The following SCTR variants were observed in gnomAD, a reference collection of about 807,000 sequenced individuals.
SCTR encodes secretin receptor, also known as pancreatic secretin receptor.
A neutral mutation model predicts 60.8 loss-of-function variants in SCTR; 56 were observed. The ratio of observed to expected loss-of-function variants is 0.92; its 90% CI spans 0.74 to 1.15. The LOEUF (loss-of-function observed/expected upper bound fraction) is 1.15, where lower values mean the gene tolerates loss of function less well. Among genes scored for constraint, SCTR ranks in the 50% most tolerant of loss-of-function variants. SCTR has a pLI of 0.00. For missense variants in SCTR, 562 were observed against 550.4 expected, an observed-to-expected ratio of 1.02 and a Z score of -0.21; for synonymous variants, 202 against 217.0, an observed-to-expected ratio of 0.93 and a Z score of 0.61.
chr2:119,509,150 C>G (rs1195736853), intron 1 of SCTR, among the ~76,000 whole-genome samples: 1 of 152,142 alleles, frequency 6.6e-6, no homozygotes, highest in Admixed American at 6.5e-5. Flanking sequence ...AAATGCTTAC[C>G]TGCATTTCAG....
At chr2:119,475,987 T>C (rs192013007) in intron 3 of SCTR, among the ~76,000 whole-genome samples, 1 of 152,250 alleles carries the variant, frequency 6.6e-6, no homozygotes, top group Non-Finnish European at 1.5e-5. Context: ...ATTCTAGGCC[T>C]GGCATGAACA....
intron 3 of SCTR, among the ~76,000 whole-genome samples, chr2:119,475,704 T>C (rs1332725273): frequency 2.7e-5 from 4 of 147,612 alleles, no homozygotes; most frequent in African/African-American, 9.8e-5. Context: ...AAAATAAATA[T>C]ATATATTATG....
intron 11 of SCTR, among the ~76,000 whole-genome samples, chr2:119,443,782 G>A (rs1301997838): frequency 6.6e-6 from 1 of 152,164 alleles, no homozygotes; most frequent in Non-Finnish European, 1.5e-5. Context: ...CCTGAGCTCA[G>A]GCAATTCGCC....
chr2:119,510,416 G>C (rs908374427), intron 1 of SCTR, among the ~76,000 whole-genome samples: 19 of 152,122 alleles, frequency 1.2e-4, no homozygotes, highest in Non-Finnish European at 2.8e-4. Flanking sequence ...AGAGGGACTG[G>C]GGTCCCCAGG....
intron 1 of SCTR, among the ~76,000 whole-genome samples, chr2:119,503,270 T>A (rs563653907): frequency 1.9e-4 from 29 of 151,062 alleles, no homozygotes; most frequent in African/African-American, 6.8e-4. Flanking sequence ...AAGAAGTCAA[T>A]CTAAAAAGGT....
At position 119,516,393 on chromosome 2, in the gene SCTR, G is replaced by C. The variant is rs573464153; in HGVS notation, c.72+7762C>G. 2.6e-5 allele frequency among the ~76,000 whole-genome samples: 4 copies of C among 152,290 alleles called. No individual in the cohort carries two copies. The East Asian group carries it at 7.7e-4, about 29-fold the overall frequency. ...TGGAATGCCAGTCAGCTTTAAAAAA[G>C]GAGATCCTATCATTAGTGACAACAT... On this transcript the variant is annotated intron_variant, in intron 1 of 12. Coordinates refer to ENST00000019103, the MANE Select transcript of SCTR (RefSeq NM_002980.3).
At chr2:119,448,317 G>C (rs1041085746) in intron 10 of SCTR, among the ~76,000 whole-genome samples, 1 of 152,124 alleles carries the variant, frequency 6.6e-6, no homozygotes, top group Admixed American at 6.5e-5. Flanking sequence ...TTTGGATCAC[G>C]CACTTCCCTA....
chr2:119,507,606 T>A (rs1678782001), intron 1 of SCTR, among the ~76,000 whole-genome samples: 1 of 152,024 alleles, frequency 6.6e-6, no homozygotes, highest in South Asian at 2.1e-4. Flanking sequence ...AGAGCCAAAT[T>A]TGCTATGGGT....
chr2:119,441,817 G>T (rs72833262), intron 11 of SCTR, among the ~76,000 whole-genome samples: 18 of 152,232 alleles, frequency 1.2e-4, no homozygotes, highest in Admixed American at 2.0e-4. Context: ...ACTCCTTGCA[G>T]CCAAGGGTAG....
At chr2:119,471,400 G>A (rs151031871) in intron 4 of SCTR, among the ~76,000 whole-genome samples, 38 of 152,182 alleles carry the variant, frequency 2.5e-4, no homozygotes, top group East Asian at 1.5e-3. Flanking sequence ...ACTCCTTGTC[G>A]AATCTCCTTA....
At chr2:119,474,199 T>C (rs1028537448) in intron 3 of SCTR, among the ~76,000 whole-genome samples, 1 of 152,106 alleles carries the variant, frequency 6.6e-6, no homozygotes. Context: ...TCTCACCACA[T>C]GGGCAGTGGC....
At chr2:119,477,904 G>C (rs1677405754) in intron 3 of SCTR, among the ~76,000 whole-genome samples, 1 of 152,224 alleles carries the variant, frequency 6.6e-6, no homozygotes, top group Non-Finnish European at 1.5e-5. Context: ...GTAGGGTGTT[G>C]AGTGAGGCTT....
chr2:119,478,779 T>C (rs1190566550), intron 3 of SCTR, 32 bp downstream of exon 3: 3 of 1,610,598 alleles, frequency 1.9e-6, no homozygotes, highest in Admixed American at 1.7e-5. Flanking sequence ...CCCCTCAGCC[T>C]GTCCGCCAGG....
chr2:119,494,310 A>G (rs1678262154), intron 2 of SCTR, 118 bp downstream of exon 2: 1 of 1,162,100 alleles, frequency 8.6e-7, no homozygotes, highest in Non-Finnish European at 1.2e-6. Context: ...TGTCTGAGTG[A>G]GAAAAGCTGG....
At chr2:119,506,708 T>C (rs1573918157) in intron 1 of SCTR, among the ~76,000 whole-genome samples, 1 of 152,078 alleles carries the variant, frequency 6.6e-6, no homozygotes, top group African/African-American at 2.4e-5. Flanking sequence ...ACTCTTGGCC[T>C]CAAGCAATCC....
At chr2:119,491,988 G>A (rs1678150722) in intron 2 of SCTR, among the ~76,000 whole-genome samples, 1 of 152,194 alleles carries the variant, frequency 6.6e-6, no homozygotes, top group South Asian at 2.1e-4. Flanking sequence ...AGCTGGGGTG[G>A]CCATGCAGTC....
In SCTR at chr2:119,494,521, C is replaced by G; in HGVS notation, c.100G>C (p.Val34Leu). 6.2e-7 allele frequency: 1 copy of G among 1,614,062 alleles called. No individual in the cohort carries two copies. Among genetic ancestry groups the G allele is most frequent in the African/African-American group, 1.3e-5 (1 of 75,050 alleles). ...TGCTCTTCCCACAGCACTTGTAGCACGTCACATAGTCGGGGAAGGGCTCCA... is the reference window on the plus strand; with the variant it reads ...TGCTCTTCCCACAGCACTTGTAGCAGGTCACATAGTCGGGGAAGGGCTCCA... ...STGALPRLCD[V>L]LQVLWEEQDQ... The change falls in exon 2 of 13, where the codon GTG (valine) becomes CTG (leucine). Residue 34 changes from valine to leucine, a missense_variant. Val to Leu is a conservative substitution (Grantham distance 32). Coordinates refer to ENST00000019103, the MANE Select transcript of SCTR (RefSeq NM_002980.3).
Position 119,524,296 on chromosome 2 carries a change from AGCGCCCC to A in SCTR, c.-77_-71del. On this transcript the variant is annotated 5_prime_UTR_variant, in exon 1 of 13. An upstream open reading frame in the 5' UTR loses its in-frame stop. Coordinates refer to ENST00000019103, the MANE Select transcript of SCTR (RefSeq NM_002980.3). ...GTGCCCTCTGCCCGCTCGGGAGCTCAGCGCCCCGCGCAGGGTCCCGGGCTCCGGCCGG... is the reference window on the plus strand; with the variant it reads ...GTGCCCTCTGCCCGCTCGGGAGCTCAGCGCAGGGTCCCGGGCTCCGGCCGG... The A allele has an allele frequency of 9.2e-7, 1 of 1,090,980 alleles. No homozygotes were observed. The highest frequency in any genetic ancestry group is 1.2e-6 in the Non-Finnish European group (1 of 821,978). The allele number at this position is 1,090,980 out of a possible 1,614,324, so 67.6% of individuals were successfully genotyped here.
At chr2:119,471,765 G>A (rs1201613101) in intron 4 of SCTR, among the ~76,000 whole-genome samples, 2 of 152,150 alleles carry the variant, frequency 1.3e-5, no homozygotes, top group Non-Finnish European at 2.9e-5. Flanking sequence ...CATCTTATGG[G>A]GAGGTATCAG....
Sources: gnomAD v4.1 joint callset for allele counts (sites outside exome capture counted in the v4.1 genomes callset) on GRCh38, gnomAD v4.1.1 for gene constraint, MANE v1.5 for transcripts, NCBI Gene and HGNC (gene_info 2026-07-23, HGNC 2026-07-21) for gene names.